The following OR52N4 variants were observed in gnomAD, a reference collection of about 807,000 sequenced individuals.
OR52N4 encodes the protein olfactory receptor family 52 subfamily N member 4.
A neutral mutation model predicts 15.0 loss-of-function variants in OR52N4; 15 were observed. The ratio of observed to expected loss-of-function variants is 1.00; its 90% confidence interval spans 0.67 to 1.54. The LOEUF is 1.54. Ranked by LOEUF, OR52N4 falls within the 40% of genes most tolerant of loss-of-function variation. The pLI, the probability that OR52N4 is intolerant of heterozygous loss-of-function variation, is 0.00. For synonymous variants in OR52N4, 143 were observed against 143.7 expected, an observed-to-expected ratio of 1.00 and a Z score of 0.03; for missense variants, 421 against 394.0, an observed-to-expected ratio of 1.07 and a Z score of -0.58.
At chr11:5,737,080 C>T in the OR52N4 span, 1 of 1,614,064 alleles carries the variant, frequency 6.2e-7, no homozygotes, top group Non-Finnish European at 8.5e-7. Flanking sequence ...ACTGCCTGTG[C>T]TCTAACCTTG....
chr11:5,732,924 T>C, the OR52N4 span, among the ~76,000 whole-genome samples: 1 of 152,326 alleles, frequency 6.6e-6, no homozygotes, highest in African/African-American at 2.4e-5. Flanking sequence ...CTTAGGTACA[T>C]GAATGACATA....
At chr11:5,743,965 A>C in the OR52N4 span, among the ~76,000 whole-genome samples, 2 of 152,102 alleles carry the variant, frequency 1.3e-5, no homozygotes, top group African/African-American at 4.8e-5. Context: ...GATAAACAAA[A>C]TTGATAGACC....
At chr11:5,738,794 G>C in the OR52N4 span, among the ~76,000 whole-genome samples, 1 of 151,854 alleles carries the variant, frequency 6.6e-6, no homozygotes, top group Non-Finnish European at 1.5e-5. Context: ...CCTAAACAAT[G>C]AATGGGCAAA....
chr11:5,743,411 C>G, the OR52N4 span, among the ~76,000 whole-genome samples: 2 of 152,160 alleles, frequency 1.3e-5, no homozygotes, highest in Non-Finnish European at 2.9e-5. Context: ...ACAGAACATT[C>G]TGCCCAAGAA....
At chr11:5,744,341 TC>T in the OR52N4 span, among the ~76,000 whole-genome samples, 1 of 152,200 alleles carries the variant, frequency 6.6e-6, no homozygotes, top group Non-Finnish European at 1.5e-5. Flanking sequence ...GAGGGAATCC[TC>T]CCTAACTGGT....
the OR52N4 span, chr11:5,736,709 C>T: frequency 2.5e-6 from 4 of 1,614,024 alleles, no homozygotes; most frequent in African/African-American, 1.3e-5. Flanking sequence ...CCCTTCTTTA[C>T]AGCAGCCCAT....
At chr11:5,746,637 T>A in the OR52N4 span, among the ~76,000 whole-genome samples, 1 of 152,184 alleles carries the variant, frequency 6.6e-6, no homozygotes, top group Admixed American at 6.5e-5. Context: ...AGAATATCTG[T>A]GATTAAAATG....
the OR52N4 span, chr11:5,726,683 G>C: frequency 6.6e-6 from 1 of 152,598 alleles, no homozygotes; most frequent in Non-Finnish European, 1.5e-5. Flanking sequence ...GCACAAGCCT[G>C]TGTACCTTTT....
rs772339645 is a variant in OR52N4, at chr11:5,755,369, G to T, written c.629G>T (p.Gly210Val). ...YGLMVALLIWGFDILCITNSY... is the reference protein window; with the variant it reads ...YGLMVALLIWVFDILCITNSY... ...CTGATGGTTGCCCTCCTGATTTGGG[G>T]CTTTGACATACTGTGTATCACCAAC... Residue 210 changes from glycine (G) to valine (V), a missense_variant, in exon 2 of 2, where the codon GGC becomes GTC. Transcript: ENST00000641350. 3 of 1,613,998 alleles carry T rather than the reference G, an allele frequency of 1.9e-6. No homozygotes were observed. Among genetic ancestry groups the T allele is most frequent in the Non-Finnish European group, 2.5e-6 (3 of 1,179,984 alleles).
chr11:5,744,457 G>A, the OR52N4 span, among the ~76,000 whole-genome samples: 1 of 152,146 alleles, frequency 6.6e-6, no homozygotes, highest in East Asian at 1.9e-4. Context: ...AAAATCTTCA[G>A]CGAAATACTA....
chr11:5,727,850 C>T, the OR52N4 span, among the ~76,000 whole-genome samples: 826 of 152,312 alleles, frequency 5.4e-3, 11 homozygotes, highest in African/African-American at 0.019. Context: ...ATCTTACCAG[C>T]TGCAAGAATC....
At chr11:5,749,917 A>T (rs898344471), upstream of OR52N4, among the ~76,000 whole-genome samples, 3 of 151,986 alleles carry the variant, frequency 2.0e-5, no homozygotes, top group African/African-American at 7.2e-5. Context: ...TTTGATGTGT[A>T]CAAACTATTT....
the OR52N4 span, chr11:5,736,858 C>T: frequency 7.4e-6 from 12 of 1,613,858 alleles, no homozygotes; most frequent in African/African-American, 1.3e-5. Context: ...ATGCCATTCA[C>T]TTCTTTGTGG....
At chr11:5,743,311 A>C in the OR52N4 span, among the ~76,000 whole-genome samples, 5 of 152,146 alleles carry the variant, frequency 3.3e-5, no homozygotes, top group Admixed American at 6.5e-5. Context: ...ACCAGTGACC[A>C]CCCTAGACAG....
At chr11:5,751,821 T>A (rs1498557), upstream of OR52N4, among the ~76,000 whole-genome samples, 27,778 of 152,102 alleles carry the variant, frequency 0.18, 2,711 homozygotes, top group East Asian at 0.25. Flanking sequence ...AGGGAAATAT[T>A]ATTAAAGAGA....
upstream of OR52N4, among the ~76,000 whole-genome samples, chr11:5,752,417 C>G (rs1406123839): frequency 6.6e-6 from 1 of 152,130 alleles, no homozygotes; most frequent in Non-Finnish European, 1.5e-5. Context: ...AATCTTAAAA[C>G]AGTGTATTTT....
At chr11:5,730,845 T>C in the OR52N4 span, among the ~76,000 whole-genome samples, 598 of 151,560 alleles carry the variant, frequency 3.9e-3, no homozygotes, top group African/African-American at 0.014. Context: ...CTTCATTGCA[T>C]TAGGAAACTT....
the OR52N4 span, chr11:5,736,608 G>A: frequency 6.2e-7 from 1 of 1,614,004 alleles, no homozygotes; most frequent in Admixed American, 1.7e-5. Flanking sequence ...GGCATTCACA[G>A]CTGGCAACAC....
At chr11:5,729,296 T>C in the OR52N4 span, among the ~76,000 whole-genome samples, 1 of 151,466 alleles carries the variant, frequency 6.6e-6, no homozygotes, top group Non-Finnish European at 1.5e-5. Context: ...ATTTTTTGTA[T>C]TTTTTAGTAG....
Sources: gnomAD v4.1 joint callset for allele counts (sites outside exome capture counted in the v4.1 genomes callset) on GRCh38, gnomAD v4.1.1 for gene constraint, MANE v1.5 for transcripts, NCBI Gene and HGNC (gene_info 2026-07-23, HGNC 2026-07-21) for gene names.